Variants in PILRA observed in about 807,000 individuals in gnomAD.
PILRA encodes the protein paired immunoglobin like type 2 receptor alpha, also known as paired immunoglobulin-like type 2 receptor alpha.
PILRA carries 37 observed loss-of-function variants against 33.1 expected under a neutral mutation model. The ratio of observed to expected loss-of-function variants is 1.12; its 90% CI spans 0.86 to 1.47. PILRA has a LOEUF of 1.47. PILRA is among the 40% of genes most tolerant of loss of function. The pLI is 0.00. For missense variants in PILRA, 312 were observed against 376.2 expected (o/e 0.83, Z 1.41); for synonymous variants, 146 against 149.9 (o/e 0.97, Z 0.19).
intron 2 of PILRA, among the ~76,000 whole-genome samples, chr7:100,389,566 GAA>G (rs1365289263): frequency 7.2e-6 from 1 of 138,508 alleles, no homozygotes; most frequent in Non-Finnish European, 1.5e-5. Context: ...TGAGGAGGAA[GAA>G]ATAAAATTAA....
intron 2 of PILRA, among the ~76,000 whole-genome samples, chr7:100,377,225 CTATT>C (rs945805414): frequency 8.7e-6 from 1 of 115,054 alleles, no homozygotes; most frequent in African/African-American, 3.3e-5. Context: ...TGTCACTTTT[CTATT>C]TCTTTTTTTT....
At chr7:100,389,636 G>C (rs1319044686) in intron 2 of PILRA, among the ~76,000 whole-genome samples, 1 of 149,584 alleles carries the variant, frequency 6.7e-6, no homozygotes, top group Non-Finnish European at 1.5e-5. Flanking sequence ...GAAGGAGGGA[G>C]GGAGGGAGAG....
chr7:100,391,165 CAATAAT>C (rs201101077), intron 3 of PILRA, among the ~76,000 whole-genome samples: 89 of 141,122 alleles, frequency 6.3e-4, no homozygotes, highest in African/African-American at 1.4e-3. Flanking sequence ...ATAATAATAA[CAATAAT>C]AATAATAATA....
chr7:100,390,800 T>C (rs535103458), intron 3 of PILRA, among the ~76,000 whole-genome samples: 2 of 152,058 alleles, frequency 1.3e-5, no homozygotes, highest in African/African-American at 2.4e-5. Context: ...GGAAGCTCAG[T>C]GCTGGTGGAG....
rs141736392 is a variant in PILRA, at chr7:100,396,868, G to A, written c.674-1011G>A. Among the ~76,000 whole-genome samples, 234 of 151,992 alleles carry A rather than the reference G, an allele frequency of 1.5e-3. 1 individual carries two copies. Among genetic ancestry groups the A allele is most frequent in the East Asian group, 0.015 (79 of 5,168 alleles). Reference sequence around the variant, plus strand: ...GAGGGAGTAGGGGTTCTTTAAAACTGTTTCAGTTTTGCAAGATGAAAAGGT... The same window carrying A: ...GAGGGAGTAGGGGTTCTTTAAAACTATTTCAGTTTTGCAAGATGAAAAGGT... On this transcript the variant is annotated intron_variant, in intron 3 of 6. Coordinates refer to ENST00000198536, the MANE Select transcript of PILRA (RefSeq NM_013439.3).
At chr7:100,375,053 C>T (rs1790914232) in intron 2 of PILRA, among the ~76,000 whole-genome samples, 1 of 152,138 alleles carries the variant, frequency 6.6e-6, no homozygotes, top group African/African-American at 2.4e-5. Context: ...CCTCTTCTCT[C>T]GTGTATCATA....
At chr7:100,384,623 A>T (rs1302841570) in intron 2 of PILRA, among the ~76,000 whole-genome samples, 2 of 151,872 alleles carry the variant, frequency 1.3e-5, no homozygotes, top group Admixed American at 6.6e-5. Flanking sequence ...TCCACAAAAA[A>T]ATTTTTTTTT....
intron 2 of PILRA, among the ~76,000 whole-genome samples, chr7:100,387,753 A>C (rs1426606381): frequency 6.6e-6 from 1 of 152,186 alleles, no homozygotes; most frequent in South Asian, 2.1e-4. Context: ...ACAACATATA[A>C]TTGAGCATAT....
rs550573859 is a variant in PILRA, at chr7:100,379,617, G to A, written c.454+5184G>A. The stretch of plus-strand genomic sequence containing the variant: ...TGGGAGACGGAAGTTGCAGTGAACC[G>A]AGATTGCACCACTGCACTCCAGCCT... On this transcript the variant is annotated intron_variant, in intron 2 of 6. Transcript: ENST00000198536. Among the ~76,000 whole-genome samples the A allele has an allele frequency of 1.2e-3, 170 of 146,204 alleles. 4 individuals carry two copies. In the South Asian group the frequency reaches 0.032, roughly 28 times the overall value.
intron 5 of PILRA, 75 bp downstream of exon 5, chr7:100,399,415 G>A: frequency 1.4e-6 from 2 of 1,422,706 alleles, no homozygotes; most frequent in Non-Finnish European, 2.0e-6. Flanking sequence ...CCCTACCTGG[G>A]TCCGTGCCCC....
At chr7:100,395,523 C>T (rs1387108864) in intron 3 of PILRA, among the ~76,000 whole-genome samples, 1 of 152,088 alleles carries the variant, frequency 6.6e-6, no homozygotes. Context: ...ACAGAAGAAA[C>T]AAATTTGTTT....
At chr7:100,397,990 G>A in intron 4 of PILRA, 78 bp downstream of exon 4, 2 of 1,441,968 alleles carry the variant, frequency 1.4e-6, no homozygotes, top group South Asian at 2.3e-5. Context: ...CAGGGAGTGT[G>A]CTGCTAAGAA....
intron 2 of PILRA, among the ~76,000 whole-genome samples, chr7:100,375,961 G>A (rs1356860299): frequency 1.3e-5 from 2 of 152,190 alleles, no homozygotes; most frequent in Admixed American, 6.6e-5. Context: ...CCAGATCAGT[G>A]GGGTGAGGGG....
intron 2 of PILRA, among the ~76,000 whole-genome samples, chr7:100,383,852 G>T (rs1439473955): frequency 6.6e-6 from 1 of 152,088 alleles, no homozygotes; most frequent in Non-Finnish European, 1.5e-5. Flanking sequence ...GGCCAGGCTG[G>T]TCTCGAACTG....
intron 2 of PILRA, among the ~76,000 whole-genome samples, chr7:100,383,109 G>A (rs1791155409): frequency 6.6e-6 from 1 of 152,176 alleles, no homozygotes; most frequent in South Asian, 2.1e-4. Flanking sequence ...AACAGGGAAG[G>A]CTGCTGTGAG....
At chr7:100,377,213 T>C (rs891539984) in intron 2 of PILRA, among the ~76,000 whole-genome samples, 7 of 151,536 alleles carry the variant, frequency 4.6e-5, no homozygotes, top group Admixed American at 4.0e-4. Context: ...TGTGTTCTTC[T>C]TTGTCACTTT....
chr7:100,388,427 G>A (rs889501774), intron 2 of PILRA, among the ~76,000 whole-genome samples: 2 of 151,880 alleles, frequency 1.3e-5, no homozygotes, highest in African/African-American at 4.8e-5. Context: ...TTACAGATGT[G>A]TTCTCACTTA....
At chr7:100,385,759 A>G (rs1791238562) in intron 2 of PILRA, among the ~76,000 whole-genome samples, 1 of 151,926 alleles carries the variant, frequency 6.6e-6, no homozygotes, top group South Asian at 2.1e-4. Context: ...CCTCCCAAGC[A>G]GCTGGGATTA....
At chr7:100,381,770 CG>C (rs960546739) in intron 2 of PILRA, among the ~76,000 whole-genome samples, 12 of 152,276 alleles carry the variant, frequency 7.9e-5, no homozygotes, top group Middle Eastern at 3.4e-3. Context: ...GCGGCGCTTG[CG>C]GGCCAGCTAG....
Sources: gnomAD v4.1 joint callset for allele counts (sites outside exome capture counted in the v4.1 genomes callset) on GRCh38, gnomAD v4.1.1 for gene constraint, MANE v1.5 for transcripts, NCBI Gene and HGNC (gene_info 2026-07-23, HGNC 2026-07-21) for gene names.